The following ANKAR variants were observed in gnomAD, a reference collection of about 807,000 sequenced individuals.
The protein encoded by ANKAR is ankyrin and armadillo repeat-containing protein.
In ANKAR, 136 loss-of-function variants were observed where a neutral mutation model predicts 146.2. That is an observed-to-expected ratio of 0.93 (90% CI 0.81 to 1.07). ANKAR has a LOEUF of 1.07. Among genes scored for constraint, ANKAR ranks in the 50% least tolerant of loss-of-function variants. The probability of loss-of-function intolerance (pLI) is 0.00; values close to 1 mark genes in which losing one functional copy is unlikely to be tolerated. For synonymous variants in ANKAR, 500 were observed against 575.8 expected, an observed-to-expected ratio of 0.87 and a Z score of 1.88; for missense variants, 1,567 against 1,679.9, an observed-to-expected ratio of 0.93 and a Z score of 1.18.
At chr2:189,707,621 T>C (rs560691015) in intron 9 of ANKAR, among the ~76,000 whole-genome samples, 5 of 150,942 alleles carry the variant, frequency 3.3e-5, no homozygotes, top group East Asian at 1.9e-4. Flanking sequence ...TTCTTTCTTT[T>C]TTTTTTTTTT....
chr2:189,757,758 C>T (rs1048165874), intron 18 of ANKAR, among the ~76,000 whole-genome samples: 1 of 152,130 alleles, frequency 6.6e-6, no homozygotes. Flanking sequence ...TCCCAAATGC[C>T]CTAAGTATTG....
In ANKAR at chr2:189,741,426, A is replaced by G. The variant is rs143926631; in HGVS notation, c.3785A>G (p.Tyr1262Cys). The G allele has an allele frequency of 6.2e-6, 10 of 1,611,150 alleles. No individual in the cohort carries two copies. The highest frequency in any genetic ancestry group is 2.2e-5 in the East Asian group (1 of 44,664). Residue 1262 changes from tyrosine (Y) to cysteine (C), a missense_variant, in exon 20 of 23, where the codon TAT (tyrosine) becomes TGT (cysteine). Transcript: ENST00000684021. ...TTLGTIQRLC[Y>C]HLYSGIEEVR... ...TTAGGAACAATCCAACGGCTCTGCT[A>G]TCATTTGTACTCGGGAATAGAAGAG...
chr2:189,692,103 G>A (rs1021487014), intron 3 of ANKAR, 152 bp from the exon 4 acceptor site: 1 of 614,602 alleles, frequency 1.6e-6, no homozygotes, highest in African/African-American at 1.9e-5. Context: ...TACATTAACA[G>A]CATAAATAAT....
At chr2:189,761,443 AT>A (rs1559178246), downstream of ANKAR, 12 of 1,605,782 alleles carry the variant, frequency 7.5e-6, no homozygotes, top group South Asian at 1.4e-4. Context: ...CAGTTTGGGA[AT>A]GTATTGCTTC....
At position 189,743,465 on chromosome 2, in the gene ANKAR, C is replaced by A; in HGVS notation, c.4001C>A (p.Pro1334His). The A allele has an allele frequency of 6.2e-7, 1 of 1,613,140 alleles. No individual in the cohort carries two copies. Among genetic ancestry groups the A allele is most frequent in the Non-Finnish European group, 8.5e-7 (1 of 1,179,446 alleles). Residue 1334 changes from proline to histidine, a missense_variant, in exon 21 of 23, where the codon CCT becomes CAT. Physicochemically the swap from Pro to His is moderately conservative, Grantham distance 77. Coordinates refer to ENST00000684021, the MANE Select transcript of ANKAR (RefSeq NM_001378068.1). The part of the protein sequence containing the change: ...FQMQQTLVGL[P>H]SLSLEKNGGP... ...ATGCAACAAACACTGGTGGGACTTCCTTCCTTAAGGTATGGTCCTATGTTA... is the reference window on the plus strand; with the variant it reads ...ATGCAACAAACACTGGTGGGACTTCATTCCTTAAGGTATGGTCCTATGTTA...
chr2:189,693,216 T>G (rs1325448107), intron 5 of ANKAR, 39 bp downstream of exon 5: 1 of 1,303,944 alleles, frequency 7.7e-7, no homozygotes. Context: ...TAACTACAAT[T>G]TTTTGCACGT....
chr2:189,748,632 G>A (rs374117476), downstream of ANKAR, among the ~76,000 whole-genome samples: 6 of 152,292 alleles, frequency 3.9e-5, no homozygotes, highest in South Asian at 2.1e-4. Context: ...TAGGAAATGC[G>A]GAGGGAAATG....
chr2:189,730,341 A>G (rs571082533), intron 15 of ANKAR, among the ~76,000 whole-genome samples, 154 bp from the exon 16 acceptor site: 1 of 152,310 alleles, frequency 6.6e-6, no homozygotes. Flanking sequence ...TTAATTCAGG[A>G]CTATTAAAAT....
At chr2:189,683,403 G>A (rs922300970) in intron 2 of ANKAR, among the ~76,000 whole-genome samples, 1 of 152,206 alleles carries the variant, frequency 6.6e-6, no homozygotes, top group Non-Finnish European at 1.5e-5. Context: ...AACAGCAGTG[G>A]CAGAGAAGCC....
At chr2:189,753,997 T>A in intron 18 of ANKAR, 1 of 1,613,796 alleles carries the variant, frequency 6.2e-7, no homozygotes, top group Non-Finnish European at 8.5e-7. Flanking sequence ...CAAGATGACA[T>A]GCCATTGTGT....
rs575649168 is a variant in ANKAR at position 189,742,383 on chromosome 2, C to T, written c.3811-892C>T. On this transcript the variant is annotated intron_variant, in intron 20 of 22. Coordinates refer to ENST00000684021, the MANE Select transcript of ANKAR (RefSeq NM_001378068.1). ...CTACTATCATATTCCCTACAACTGG[C>T]CAGGAACATACTTTAATTAATCATA... Among the ~76,000 whole-genome samples, 33 of 152,168 alleles carry T rather than the reference C, an allele frequency of 2.2e-4. No individual in the cohort carries two copies. In the East Asian group the frequency reaches 5.4e-3, roughly 25 times the overall value.
intron 10 of ANKAR, among the ~76,000 whole-genome samples, chr2:189,714,778 C>T (rs567681479): frequency 2.0e-5 from 3 of 152,036 alleles, no homozygotes; most frequent in Admixed American, 2.0e-4. Flanking sequence ...AACCCTGTCT[C>T]TACTAAAAGT....
chr2:189,744,149 A>G (rs1361642745), intron 21 of ANKAR, among the ~76,000 whole-genome samples: 3 of 152,228 alleles, frequency 2.0e-5, no homozygotes, highest in Non-Finnish European at 4.4e-5. Flanking sequence ...AGAGAATAGG[A>G]TCCAATAGTG....
In ANKAR at chr2:189,746,569, G is replaced by A. The variant is rs1485974833; in HGVS notation, c.4247G>A (p.Cys1416Tyr). Residue 1416 changes from cysteine (C) to tyrosine (Y), a missense_variant, in exon 23 of 23, where the codon TGT becomes TAT. Coordinates refer to ENST00000684021, the MANE Select transcript of ANKAR (RefSeq NM_001378068.1). ...ITNVSRPRIV[C>Y]LNQLGKHVQK... is the part of the protein sequence containing the mutation. Reference sequence around the variant, plus strand: ...AATGTATCAAGACCAAGAATAGTGTGTTTGAACCAACTTGGGAAACATGTC... The same window carrying A: ...AATGTATCAAGACCAAGAATAGTGTATTTGAACCAACTTGGGAAACATGTC... 32 of 1,613,170 alleles carry A rather than the reference G, an allele frequency of 2.0e-5. No individual in the cohort carries two copies. The highest frequency in any genetic ancestry group is 2.5e-5 in the Non-Finnish European group (30 of 1,179,760).
At chr2:189,760,392 C>G (rs2046846983) in intron 18 of ANKAR, among the ~76,000 whole-genome samples, 1 of 152,146 alleles carries the variant, frequency 6.6e-6, no homozygotes, top group African/African-American at 2.4e-5. Flanking sequence ...GCGCCCCCAC[C>G]TCCCAGACGG....
chr2:189,691,893 C>T lies in ANKAR; in HGVS notation c.1040-362C>T, dbSNP rs538274230. 1.5e-4 allele frequency among the ~76,000 whole-genome samples: 23 copies of T among 152,062 alleles called. 1 individual carries two copies. In the South Asian group the frequency reaches 4.8e-3, roughly 32 times the overall value. On this transcript the variant is annotated intron_variant, in intron 3 of 22. Coordinates refer to ENST00000684021, the MANE Select transcript of ANKAR (RefSeq NM_001378068.1). Reference sequence around the variant, plus strand: ...ACTCTCACCTCAGCCTCCCAAGTAACTGGGATTACATGCATGTGCCACCAC... The same window carrying T: ...ACTCTCACCTCAGCCTCCCAAGTAATTGGGATTACATGCATGTGCCACCAC...
Position 189,728,098 on chromosome 2 carries a change from G to T in ANKAR, c.2877+1G>T. The T allele has an allele frequency of 6.3e-7, 1 of 1,596,954 alleles. No individual in the cohort carries two copies. Among genetic ancestry groups the T allele is most frequent in the Non-Finnish European group, 8.5e-7 (1 of 1,171,646 alleles). On this transcript the variant is annotated splice_donor_variant, in intron 13 of 22. Coordinates refer to ENST00000684021, the MANE Select transcript of ANKAR (RefSeq NM_001378068.1). LOFTEE classifies it high-confidence loss of function. ...TAAATATCTTTTAAAACTCCTAAAG[G>T]TAGGAATTTTATGATTACTGGTCAT... is the stretch of plus-strand genomic sequence containing the variant.
intron 7 of ANKAR, 44 bp from the exon 8 acceptor site, chr2:189,704,979 A>G (rs1157047418): frequency 3.2e-6 from 5 of 1,572,974 alleles, no homozygotes; most frequent in Non-Finnish European, 4.4e-6. Context: ...TTTTTTAGGA[A>G]TGGTAGTGCT....
At chr2:189,701,215 T>A (rs1042555933) in intron 7 of ANKAR, among the ~76,000 whole-genome samples, 9 of 152,114 alleles carry the variant, frequency 5.9e-5, no homozygotes, top group Admixed American at 1.3e-4. Flanking sequence ...CTGTTCTTTT[T>A]TCCCCCTAGA....
Sources: allele counts gnomAD v4.1 joint callset (sites outside exome capture counted in the v4.1 genomes callset), GRCh38; gene constraint gnomAD v4.1.1; transcripts MANE v1.5; gene names NCBI Gene and HGNC (gene_info 2026-07-23, HGNC 2026-07-21).